Variants in SLC35D2 observed in about 807,000 individuals in gnomAD.
SLC35D2 encodes the protein nucleotide sugar transporter SLC35D2.
A neutral mutation model predicts 41.8 loss-of-function variants in SLC35D2; 43 were observed. The observed-to-expected ratio is 1.03, with a 90% CI of 0.81 to 1.33. SLC35D2 has a LOEUF of 1.33. Ranked by LOEUF, SLC35D2 falls within the 40% of genes most tolerant of loss-of-function variation. The pLI is 0.00. For synonymous variants in SLC35D2, 150 were observed against 163.9 expected, an observed-to-expected ratio of 0.92 and a Z score of 0.65; for missense variants, 380 against 408.4, an observed-to-expected ratio of 0.93 and a Z score of 0.60.
At chr9:96,358,100 A>ATATATATATATATATATATC (rs1446341463) in intron 4 of SLC35D2, among the ~76,000 whole-genome samples, 5 of 126,498 alleles carry the variant, frequency 4.0e-5, no homozygotes, top group African/African-American at 1.6e-4. Flanking sequence ...ATATATATAT[A>ATATATATATATATATATATC]TATATATACC....
At chr9:96,355,043 A>G (rs947880894) in intron 4 of SLC35D2, among the ~76,000 whole-genome samples, 5 of 150,908 alleles carry the variant, frequency 3.3e-5, no homozygotes, top group Non-Finnish European at 5.9e-5. Context: ...ACTTTGAGAC[A>G]GGGTCTTGCT....
intron 11 of SLC35D2, among the ~76,000 whole-genome samples, chr9:96,321,781 G>C (rs996393725): frequency 6.6e-6 from 1 of 152,108 alleles, no homozygotes; most frequent in Admixed American, 6.6e-5. Context: ...GTTAAATTCC[G>C]ATCCCAGCCC....
intron 1 of SLC35D2, among the ~76,000 whole-genome samples, chr9:96,373,684 TC>T (rs1355359891): frequency 4.3e-4 from 46 of 106,260 alleles, no homozygotes; most frequent in Non-Finnish European, 9.0e-5. Flanking sequence ...CAAGACTCTC[TC>T]AAAAAAAAAA....
At chr9:96,338,279 A>C (rs1465155954) in intron 8 of SLC35D2, among the ~76,000 whole-genome samples, 1 of 152,244 alleles carries the variant, frequency 6.6e-6, no homozygotes, top group Admixed American at 6.5e-5. Flanking sequence ...TTATAATTCA[A>C]ATTTTTAAAC....
Position 96,336,741 on chromosome 9 carries a change from T to C in SLC35D2, c.728A>G (p.Gln243Arg), listed in dbSNP as rs757347905. 8 of 1,587,550 alleles carry C rather than the reference T, an allele frequency of 5.0e-6. No individual in the cohort carries two copies. Among genetic ancestry groups the C allele is most frequent in the Non-Finnish European group, 6.9e-6 (8 of 1,161,210 alleles). The change falls in exon 9 of 12, where the codon CAG (glutamine) becomes CGG (arginine). Residue 243 changes from glutamine (Q) to arginine (R), a missense_variant. Physicochemically the swap from Gln to Arg is conservative, Grantham distance 43 (BLOSUM62 1). Transcript: ENST00000253270. ...CCCCAAAAAACAGGAAAGAAGAAACTGTAGGATAAACACAACATTCTTCCA... is the reference window on the plus strand; with the variant it reads ...CCCCAAAAAACAGGAAAGAAGAAACCGTAGGATAAACACAACATTCTTCCA... ...NQWKNVVFILQFLLSCFLGFL... is the reference protein window; with the variant it reads ...NQWKNVVFILRFLLSCFLGFL...
At chr9:96,383,393 C>G (rs896540230) in intron 1 of SLC35D2, 84 bp downstream of exon 1, 1 of 1,167,962 alleles carries the variant, frequency 8.6e-7, no homozygotes, top group Non-Finnish European at 1.2e-6. Flanking sequence ...CCCACCCGCC[C>G]TGTCCCGGGC....
chr9:96,378,826 G>A (rs1831064092), intron 1 of SLC35D2, among the ~76,000 whole-genome samples: 1 of 152,090 alleles, frequency 6.6e-6, no homozygotes, highest in Admixed American at 6.5e-5. Flanking sequence ...CTACTCAGGA[G>A]GCTGAGGTGA....
At chr9:96,380,648 T>C (rs1011672824) in intron 1 of SLC35D2, among the ~76,000 whole-genome samples, 2 of 151,358 alleles carry the variant, frequency 1.3e-5, no homozygotes, top group Non-Finnish European at 3.0e-5. Context: ...GTTTTTTTTG[T>C]ATTTTTAGTA....
intron 9 of SLC35D2, among the ~76,000 whole-genome samples, chr9:96,332,164 C>T (rs1321616852): frequency 6.6e-6 from 1 of 152,106 alleles, no homozygotes; most frequent in Non-Finnish European, 1.5e-5. Context: ...CTGAAAAGAG[C>T]AAGTCCGAAA....
chr9:96,333,580 G>A (rs1311428515), intron 9 of SLC35D2, among the ~76,000 whole-genome samples: 1 of 148,486 alleles, frequency 6.7e-6, no homozygotes, highest in Non-Finnish European at 1.5e-5. Flanking sequence ...GGGCGACAGA[G>A]GGAGACTCCG....
chr9:96,326,259 T>C (rs1828521650), intron 9 of SLC35D2, among the ~76,000 whole-genome samples: 1 of 152,162 alleles, frequency 6.6e-6, no homozygotes, highest in African/African-American at 2.4e-5. Flanking sequence ...GCCTCAGGGG[T>C]TGGAATTGCT....
chr9:96,354,194 A>G (rs1829927171), intron 4 of SLC35D2, among the ~76,000 whole-genome samples: 1 of 152,250 alleles, frequency 6.6e-6, no homozygotes, highest in Admixed American at 6.5e-5. Flanking sequence ...TTTTCCGCCT[A>G]TGATTAGGAA....
intron 9 of SLC35D2, among the ~76,000 whole-genome samples, chr9:96,330,081 A>T (rs72603671): frequency 6.6e-6 from 1 of 152,216 alleles, no homozygotes; most frequent in Non-Finnish European, 1.5e-5. Context: ...TCCTGACCAC[A>T]GACTGCTGGT....
chr9:96,348,622 C>G (rs1031575942), intron 6 of SLC35D2, among the ~76,000 whole-genome samples: 1 of 152,172 alleles, frequency 6.6e-6, no homozygotes, highest in African/African-American at 2.4e-5. Context: ...TAGCTAAGCA[C>G]TCACTGCTGA....
At chr9:96,329,104 A>G (rs1191951030) in intron 9 of SLC35D2, among the ~76,000 whole-genome samples, 2 of 151,032 alleles carry the variant, frequency 1.3e-5, no homozygotes, top group African/African-American at 4.8e-5. Flanking sequence ...AAAAAAAAAA[A>G]GACATTATTT....
chr9:96,367,720 G>T (rs1220578522), intron 2 of SLC35D2, among the ~76,000 whole-genome samples: 5 of 151,916 alleles, frequency 3.3e-5, no homozygotes, highest in African/African-American at 1.2e-4. Context: ...AGGCACAGGT[G>T]GCAGTGAGTC....
At chr9:96,331,432 A>G (rs374596316) in intron 9 of SLC35D2, among the ~76,000 whole-genome samples, 2 of 152,150 alleles carry the variant, frequency 1.3e-5, no homozygotes, top group East Asian at 1.9e-4. Flanking sequence ...AAAGTCTTGC[A>G]AGAATGTAGG....
At chr9:96,377,742 C>A (rs1831016833) in intron 1 of SLC35D2, among the ~76,000 whole-genome samples, 1 of 152,156 alleles carries the variant, frequency 6.6e-6, no homozygotes, top group African/African-American at 2.4e-5. Flanking sequence ...AGTGTGTGGG[C>A]CCTGAAGCCA....
chr9:96,342,129 G>C (rs746922095), intron 8 of SLC35D2, among the ~76,000 whole-genome samples: 27 of 148,552 alleles, frequency 1.8e-4, no homozygotes, highest in Non-Finnish European at 3.6e-4. Flanking sequence ...CTTTTTTTTT[G>C]AGATGGAGTC....
Sources: gnomAD v4.1 joint callset for allele counts (sites outside exome capture counted in the v4.1 genomes callset) on GRCh38, gnomAD v4.1.1 for gene constraint, MANE v1.5 for transcripts, NCBI Gene and HGNC (gene_info 2026-07-23, HGNC 2026-07-21) for gene names.